SLC9A9: variants seen among roughly 807,000 people sequenced by gnomAD.
SLC9A9 encodes solute carrier family 9 member A9.
In SLC9A9, 62 loss-of-function variants were observed where a neutral mutation model predicts 77.8. The observed-to-expected ratio is 0.80, with a 90% CI of 0.65 to 0.98. The LOEUF is 0.98. Ranked by LOEUF, SLC9A9 falls within the 50% of genes least tolerant of loss-of-function variation. The pLI is 0.00. For missense variants in SLC9A9, 775 were observed against 774.9 expected, an observed-to-expected ratio of 1.00 and a Z score of 0.00; for synonymous variants, 320 against 283.5, an observed-to-expected ratio of 1.13 and a Z score of -1.29.
intron 9 of SLC9A9, among the ~76,000 whole-genome samples, chr3:143,509,377 A>G (rs2036077549): frequency 6.6e-6 from 1 of 152,184 alleles, no homozygotes; most frequent in Non-Finnish European, 1.5e-5. Context: ...TAGATTGTCA[A>G]TGTTTATATT....
At chr3:143,658,484 T>A (rs1446602138) in intron 5 of SLC9A9, among the ~76,000 whole-genome samples, 1 of 152,262 alleles carries the variant, frequency 6.6e-6, no homozygotes, top group East Asian at 1.9e-4. Context: ...AGGGGATTTC[T>A]AATAACTTTT....
At position 143,340,117 on chromosome 3, in the gene SLC9A9, G is replaced by A. The variant is rs182017665; in HGVS notation, c.1604+23367C>T. Among the ~76,000 whole-genome samples, 470 of 152,216 alleles carry A rather than the reference G, an allele frequency of 3.1e-3. 3 individuals carry two copies. Among genetic ancestry groups the A allele is most frequent in the African/African-American group, 0.011 (446 of 41,534 alleles). The stretch of plus-strand genomic sequence containing the variant: ...GAAGCCCTCAGTACTATTATACCAC[G>A]CTTCATCTCCTGAGCACCCTGTGCT... On this transcript the variant is annotated intron_variant, in intron 14 of 15. Coordinates refer to ENST00000316549, the MANE Select transcript of SLC9A9 (RefSeq NM_173653.4).
chr3:143,703,903 T>C (rs1043905112), intron 4 of SLC9A9, among the ~76,000 whole-genome samples: 3 of 152,066 alleles, frequency 2.0e-5, no homozygotes, highest in African/African-American at 7.2e-5. Context: ...ACTGGATCAT[T>C]TTAAAGGATC....
intron 4 of SLC9A9, among the ~76,000 whole-genome samples, chr3:143,778,191 C>G (rs190691921): frequency 2.4e-4 from 36 of 152,104 alleles, no homozygotes; most frequent in African/African-American, 8.4e-4. Context: ...TTATTCCTCC[C>G]AATCTGGGAG....
At position 143,548,581 on chromosome 3, in the gene SLC9A9, C is replaced by T. The variant is rs143533332; in HGVS notation, c.1089+3781G>A. ...AGGGAAATGAATTGCTGCATATGTT[C>T]ATATACTCTTTAATAGGATGCTTTG... On this transcript the variant is annotated intron_variant, in intron 9 of 15. Coordinates refer to ENST00000316549, the MANE Select transcript of SLC9A9 (RefSeq NM_173653.4). 2.1e-3 allele frequency among the ~76,000 whole-genome samples: 322 copies of T among 152,262 alleles called. 2 individuals are homozygous for T. Among genetic ancestry groups the T allele is most frequent in the African/African-American group, 7.2e-3 (298 of 41,554 alleles).
intron 14 of SLC9A9, among the ~76,000 whole-genome samples, chr3:143,287,679 T>C (rs1559853165): frequency 2.0e-5 from 3 of 152,206 alleles, no homozygotes; most frequent in South Asian, 4.1e-4. Context: ...ACAATTACTT[T>C]CCCATTTTCT....
intron 14 of SLC9A9, among the ~76,000 whole-genome samples, chr3:143,277,894 C>T (rs532411216): frequency 4.6e-5 from 7 of 152,236 alleles, no homozygotes; most frequent in African/African-American, 1.7e-4. Context: ...GAAAAATTTC[C>T]ACTTGATTTC....
chr3:143,629,690 G>T (rs2038389121), intron 6 of SLC9A9, among the ~76,000 whole-genome samples: 1 of 152,080 alleles, frequency 6.6e-6, no homozygotes, highest in Non-Finnish European at 1.5e-5. Flanking sequence ...ACATTTGACA[G>T]ATGAGAAAGA....
At chr3:143,393,146 C>A (rs2033612268) in intron 12 of SLC9A9, among the ~76,000 whole-genome samples, 1 of 152,178 alleles carries the variant, frequency 6.6e-6, no homozygotes. Context: ...AATATACATT[C>A]TTCTCTGCAC....
At chr3:143,673,351 G>T (rs1483086956) in intron 5 of SLC9A9, among the ~76,000 whole-genome samples, 1 of 152,170 alleles carries the variant, frequency 6.6e-6, no homozygotes, top group Non-Finnish European at 1.5e-5. Flanking sequence ...CATGCACTCA[G>T]TGAGAGGATG....
chr3:143,790,575 C>A (rs1213073500), intron 4 of SLC9A9, among the ~76,000 whole-genome samples: 1 of 152,136 alleles, frequency 6.6e-6, no homozygotes, highest in Non-Finnish European at 1.5e-5. Flanking sequence ...AGGAGAAGGA[C>A]AAGGAGATTC....
chr3:143,700,461 C>G (rs1437911417), intron 4 of SLC9A9, among the ~76,000 whole-genome samples: 1 of 152,126 alleles, frequency 6.6e-6, no homozygotes, highest in Non-Finnish European at 1.5e-5. Flanking sequence ...AGTCCTAGGC[C>G]AGGTAGCATT....
chr3:143,292,079 C>T (rs183117474), intron 14 of SLC9A9, among the ~76,000 whole-genome samples: 2 of 152,284 alleles, frequency 1.3e-5, no homozygotes, highest in Admixed American at 1.3e-4. Context: ...GATGAGTGGC[C>T]ATGAGCCAGG....
chr3:143,297,354 A>G (rs1196721340), intron 14 of SLC9A9, among the ~76,000 whole-genome samples: 2 of 152,236 alleles, frequency 1.3e-5, no homozygotes, highest in Non-Finnish European at 1.5e-5. Flanking sequence ...GAAAACATAT[A>G]GGCCAACGGA....
At chr3:143,780,486 C>T (rs1231154467) in intron 4 of SLC9A9, among the ~76,000 whole-genome samples, 1 of 152,162 alleles carries the variant, frequency 6.6e-6, no homozygotes, top group Non-Finnish European at 1.5e-5. Context: ...AGTTTTTACG[C>T]AATCATTGAT....
chr3:143,529,039 C>A (rs560685462), intron 9 of SLC9A9, among the ~76,000 whole-genome samples: 107 of 152,222 alleles, frequency 7.0e-4, no homozygotes, highest in African/African-American at 2.2e-3. Context: ...AGGGACAGTG[C>A]CGGTGCCATG....
intron 4 of SLC9A9, among the ~76,000 whole-genome samples, chr3:143,711,477 G>A (rs1370656228): frequency 6.6e-6 from 1 of 151,884 alleles, no homozygotes; most frequent in Non-Finnish European, 1.5e-5. Context: ...GGTGGTGCTC[G>A]CAGCCTCCTT....
chr3:143,591,393 T>C (rs2037641644), intron 6 of SLC9A9, among the ~76,000 whole-genome samples: 1 of 152,260 alleles, frequency 6.6e-6, no homozygotes, highest in Non-Finnish European at 1.5e-5. Flanking sequence ...GCATGGGAAC[T>C]GCAGGCCAGC....
chr3:143,600,537 G>A (rs1256973705), intron 6 of SLC9A9, among the ~76,000 whole-genome samples: 1 of 152,150 alleles, frequency 6.6e-6, no homozygotes, highest in Admixed American at 6.5e-5. Flanking sequence ...GGTAAGTTGA[G>A]CTTTAAAGCT....
Sources: allele counts gnomAD v4.1 joint callset (sites outside exome capture counted in the v4.1 genomes callset), GRCh38; gene constraint gnomAD v4.1.1; transcripts MANE v1.5; gene names NCBI Gene and HGNC (gene_info 2026-07-23, HGNC 2026-07-21).